CNBD1: variants seen among roughly 807,000 people sequenced by gnomAD.
CNBD1 encodes cyclic nucleotide-binding domain-containing protein 1.
A neutral mutation model predicts 54.4 loss-of-function variants in CNBD1; 71 were observed. That is an observed-to-expected ratio of 1.30 (90% CI 1.08 to 1.59). The LOEUF (loss-of-function observed/expected upper bound fraction) is 1.59, where lower values mean the gene tolerates loss of function less well. CNBD1 is among the 40% of genes most tolerant of loss of function. The probability of loss-of-function intolerance (pLI) is 0.00; values close to 1 mark genes in which losing one functional copy is unlikely to be tolerated. For synonymous variants in CNBD1, 182 were observed against 170.7 expected (o/e 1.07, Z -0.51); for missense variants, 659 against 518.0 (o/e 1.27, Z -2.64).
chr8:87,327,380 A>AT (rs1271786535), intron 8 of CNBD1, among the ~76,000 whole-genome samples: 11 of 151,708 alleles, frequency 7.3e-5, no homozygotes, highest in Admixed American at 1.3e-4. Context: ...AGCCTGGGCA[A>AT]TGGTGGGCGC....
At chr8:86,993,999 A>G (rs1234804800) in intron 4 of CNBD1, among the ~76,000 whole-genome samples, 1 of 152,062 alleles carries the variant, frequency 6.6e-6, no homozygotes, top group Non-Finnish European at 1.5e-5. Flanking sequence ...CGTGGCAGGG[A>G]GGTAGGCCAC....
At chr8:87,317,520 T>A (rs538454840) in intron 8 of CNBD1, among the ~76,000 whole-genome samples, 13 of 151,910 alleles carry the variant, frequency 8.6e-5, no homozygotes, top group African/African-American at 3.1e-4. Flanking sequence ...TTTTTCTATA[T>A]GTTATTATTA....
chr8:87,116,302 A>G (rs1811767532), intron 4 of CNBD1, among the ~76,000 whole-genome samples: 1 of 149,196 alleles, frequency 6.7e-6, no homozygotes. Context: ...CCTGGGCTCA[A>G]GTGATCCTCT....
At chr8:87,151,524 A>G (rs904528945) in intron 4 of CNBD1, among the ~76,000 whole-genome samples, 2 of 152,186 alleles carry the variant, frequency 1.3e-5, no homozygotes, top group African/African-American at 4.8e-5. Flanking sequence ...AGGGGAATAT[A>G]CCACATCTAC....
intron 4 of CNBD1, among the ~76,000 whole-genome samples, chr8:87,039,351 T>C (rs1164549230): frequency 2.0e-5 from 3 of 152,192 alleles, no homozygotes; most frequent in African/African-American, 2.4e-5. Flanking sequence ...GTGGATCATA[T>C]ATTTATTCAG....
intron 4 of CNBD1, among the ~76,000 whole-genome samples, chr8:87,088,702 C>G (rs980401565): frequency 6.6e-6 from 1 of 152,082 alleles, no homozygotes; most frequent in Non-Finnish European, 1.5e-5. Context: ...AATTCTACTT[C>G]TCTTTATAAT....
chr8:87,037,321 A>T (rs1221211429), intron 4 of CNBD1, among the ~76,000 whole-genome samples: 1 of 151,984 alleles, frequency 6.6e-6, no homozygotes, highest in African/African-American at 2.4e-5. Flanking sequence ...TTCTATATAA[A>T]CTTTTTCCAT....
intron 2 of CNBD1, among the ~76,000 whole-genome samples, chr8:86,900,272 C>T (rs1257657300): frequency 1.3e-5 from 2 of 151,262 alleles, no homozygotes; most frequent in Admixed American, 1.3e-4. Context: ...ATATGAGTGC[C>T]AGATATTTCC....
exon 3 of CNBD1, chr8:87,428,588 A>T (rs1020707501): frequency 2.2e-6 from 1 of 455,300 alleles, no homozygotes; most frequent in African/African-American, 2.0e-5. Flanking sequence ...CAAACAGCTA[A>T]ACCAACTTTT....
intron 8 of CNBD1, among the ~76,000 whole-genome samples, chr8:87,338,927 G>A (rs1810008450): frequency 6.6e-6 from 1 of 152,070 alleles, no homozygotes; most frequent in African/African-American, 2.4e-5. Flanking sequence ...AGACCTCAGT[G>A]TTTTAGTAAG....
chr8:87,130,309 T>C, intron 4 of CNBD1, among the ~76,000 whole-genome samples: 1 of 152,250 alleles, frequency 6.6e-6, no homozygotes, highest in South Asian at 2.1e-4. Context: ...CTGAGACTTA[T>C]TTTATGGTTC....
chr8:87,337,471 A>T (rs1423176871), intron 8 of CNBD1, among the ~76,000 whole-genome samples: 1 of 152,152 alleles, frequency 6.6e-6, no homozygotes, highest in Non-Finnish European at 1.5e-5. Context: ...AGGAGCTCAG[A>T]TGGCTTAGAC....
At chr8:87,336,804 C>T (rs1039762934) in intron 8 of CNBD1, among the ~76,000 whole-genome samples, 4 of 152,092 alleles carry the variant, frequency 2.6e-5, no homozygotes, top group African/African-American at 9.7e-5. Flanking sequence ...AGTGTTTTTT[C>T]ATTGATTCTT....
At chr8:87,382,542 T>C (rs915019097) in intron 10 of CNBD1, 78 bp from the exon 11 acceptor site, 2 of 1,153,626 alleles carry the variant, frequency 1.7e-6, no homozygotes, top group Non-Finnish European at 2.5e-6. Flanking sequence ...AATTTTAGGG[T>C]TCTATTCTGT....
chr8:86,873,662 C>A (rs1056304997), intron 1 of CNBD1, among the ~76,000 whole-genome samples: 2 of 151,944 alleles, frequency 1.3e-5, no homozygotes, highest in Admixed American at 1.3e-4. Context: ...AATAAATCTT[C>A]CCCTTGAATT....
intron 4 of CNBD1, among the ~76,000 whole-genome samples, chr8:87,158,325 T>A (rs1812787621): frequency 1.3e-5 from 2 of 152,204 alleles, no homozygotes; most frequent in African/African-American, 4.8e-5. Context: ...AGTTACTACA[T>A]AAAGCTCTTA....
intron 4 of CNBD1, among the ~76,000 whole-genome samples, chr8:87,130,601 A>G (rs1446648466): frequency 6.6e-6 from 1 of 151,980 alleles, no homozygotes; most frequent in African/African-American, 2.4e-5. Flanking sequence ...ACATGGTGAG[A>G]CACCGTCTTT....
At position 87,370,617 on chromosome 8, in the gene CNBD1, C is replaced by T. The variant is rs544019110; in HGVS notation, c.1304-12003C>T. On this transcript the variant is annotated intron_variant, in intron 10 of 10. Transcript: ENST00000518476. The stretch of plus-strand genomic sequence containing the variant: ...AATTTGTTTAAGTTCATTGTAGATT[C>T]TGGATATTAGCCCTTTGTCAGATGA... Among the ~76,000 whole-genome samples, 397 of 151,900 alleles carry T rather than the reference C, an allele frequency of 2.6e-3. 3 individuals carry two copies. The highest frequency in any genetic ancestry group is 9.0e-3 in the African/African-American group (374 of 41,404).
chr8:87,296,463 C>T (rs1037734885), intron 8 of CNBD1, among the ~76,000 whole-genome samples: 2 of 151,998 alleles, frequency 1.3e-5, no homozygotes, highest in African/African-American at 2.4e-5. Context: ...AAGGCCAGGT[C>T]ATTAGTGTGT....
Sources: gnomAD v4.1 joint callset for allele counts (sites outside exome capture counted in the v4.1 genomes callset) on GRCh38, gnomAD v4.1.1 for gene constraint, MANE v1.5 for transcripts, NCBI Gene and HGNC (gene_info 2026-07-23, HGNC 2026-07-21) for gene names.